EMILIN2: variants seen among roughly 807,000 people sequenced by gnomAD.
EMILIN2 encodes the protein elastin microfibril interfacer 2.
Under a neutral mutation model 87.1 loss-of-function variants are expected in EMILIN2, and 71 were observed. The observed-to-expected ratio is 0.82, with a 90% CI of 0.67 to 0.99. The LOEUF (loss-of-function observed/expected upper bound fraction) is 0.99. EMILIN2 is among the 50% of genes least tolerant of loss of function. The pLI, the probability that EMILIN2 is intolerant of heterozygous loss-of-function variation, is 0.00. For synonymous variants in EMILIN2, 581 were observed against 563.4 expected (o/e 1.03, Z -0.44); for missense variants, 1,407 against 1,371.8 (o/e 1.03, Z -0.40).
chr18:2,908,842 C>T, intron 5 of EMILIN2, 101 bp from the exon 6 acceptor site: 1 of 1,401,232 alleles, frequency 7.1e-7, no homozygotes, highest in Non-Finnish European at 1.0e-6. Flanking sequence ...GTAGTGAAGA[C>T]TCGATTTGAA....
Position 2,890,608 on chromosome 18 carries a change from A to C in EMILIN2, c.481A>C (p.Thr161Pro), listed in dbSNP as rs561217348. 6.2e-7 allele frequency: 1 copy of C among 1,605,902 alleles called. No individual in the cohort carries two copies. The highest frequency in any genetic ancestry group is 2.2e-5 in the East Asian group (1 of 44,626). The change falls in exon 4 of 8, where the codon ACT becomes CCT. Residue 161 changes from threonine to proline, a missense_variant. Coordinates refer to ENST00000254528, the MANE Select transcript of EMILIN2 (RefSeq NM_032048.3). This position sits in a 1 kb window ranked among gnomAD's most constrained non-coding sequence, Gnocchi z 4.7. ...FSEPRKTLSP[T>P]GTAQPSWGVD... ...AGAGCCCAGGAAGACTTTGTCCCCA[A>C]CTGGTACAGCACAACCAAGCTGGGG...
At chr18:2,873,902 G>C (rs568289) in intron 2 of EMILIN2, among the ~76,000 whole-genome samples, 97,633 of 151,814 alleles carry the variant, frequency 0.64, 33,354 homozygotes, top group East Asian at 0.82. Flanking sequence ...CCTAAGTTCT[G>C]CGCTAGCTCT....
At chr18:2,868,238 A>T (rs914909634) in intron 2 of EMILIN2, among the ~76,000 whole-genome samples, 3 of 150,362 alleles carry the variant, frequency 2.0e-5, no homozygotes, top group Admixed American at 1.3e-4. Flanking sequence ...ATCTCAGACG[A>T]TGGGCGGCCA....
intron 4 of EMILIN2, among the ~76,000 whole-genome samples, chr18:2,896,979 A>T (rs1212761461): frequency 6.6e-6 from 1 of 152,214 alleles, no homozygotes; most frequent in Non-Finnish European, 1.5e-5. Flanking sequence ...CCTACAAAAA[A>T]TACAAAAAAA....
chr18:2,846,904 G>A, upstream of EMILIN2: 1 of 989,558 alleles, frequency 1.0e-6, no homozygotes, highest in Non-Finnish European at 1.2e-6. This position sits in a 1 kb window ranked among gnomAD's most constrained non-coding sequence, Gnocchi z 5.3. Flanking sequence ...GGTGGGGGGA[G>A]AGTCACGTTT....
At position 2,880,701 on chromosome 18, in the gene EMILIN2, A is replaced by G. The variant is rs2076772950; in HGVS notation, c.258-4263A>G. 6.6e-6 allele frequency among the ~76,000 whole-genome samples: 1 copy of G among 152,140 alleles called. No homozygotes were observed. Among genetic ancestry groups the G allele is most frequent in the Non-Finnish European group, 1.5e-5 (1 of 68,024 alleles). Reference sequence around the variant, plus strand: ...ACTGCAGTTAGTTGACTGATTCTGTATCGAGTGAGCATCTCCCGTGTGCTC... The same window carrying G: ...ACTGCAGTTAGTTGACTGATTCTGTGTCGAGTGAGCATCTCCCGTGTGCTC... On this transcript the variant is annotated intron_variant, in intron 2 of 7. Coordinates refer to ENST00000254528, the MANE Select transcript of EMILIN2 (RefSeq NM_032048.3). The surrounding 1 kb of genome is among the most constrained non-coding windows in gnomAD (Gnocchi z 4.1).
Position 2,858,583 on chromosome 18 carries a change from G to GTATATATATATA in EMILIN2, c.257+10660_257+10671dup, listed in dbSNP as rs1555665466. ...TATATATATATATGTGTGTGTGTGT[G>GTATATATATATA]TATATATATATATATATATGTGTAT... On this transcript the variant is annotated intron_variant, in intron 2 of 7. Coordinates refer to ENST00000254528, the MANE Select transcript of EMILIN2 (RefSeq NM_032048.3). Among the ~76,000 whole-genome samples, 69 of 63,030 alleles carry GTATATATATATA rather than the reference G, an allele frequency of 1.1e-3. 2 individuals are homozygous for GTATATATATATA. The highest frequency in any genetic ancestry group is 7.1e-3 in the South Asian group (12 of 1,694). 41.4% of individuals were successfully genotyped at this position (63,030 alleles called of 152,430 possible).
intron 6 of EMILIN2, 119 bp from the exon 7 acceptor site, chr18:2,909,572 T>C: frequency 3.8e-6 from 5 of 1,328,872 alleles, no homozygotes; most frequent in East Asian, 2.4e-5. Context: ...TTCACCACTT[T>C]GGGTGAAATA....
At chr18:2,898,303 A>G (rs625238) in intron 4 of EMILIN2, among the ~76,000 whole-genome samples, 146,857 of 152,330 alleles carry the variant, frequency 0.96, 71,004 homozygotes, top group Middle Eastern at 1. Context: ...ACCCAGGACT[A>G]GCCCGGCCTG....
chr18:2,895,698 A>G (rs992094045), intron 4 of EMILIN2, among the ~76,000 whole-genome samples: 5 of 152,220 alleles, frequency 3.3e-5, no homozygotes, highest in Non-Finnish European at 5.9e-5. Flanking sequence ...GGTGTCAAGT[A>G]GTCAGACTAT....
intron 2 of EMILIN2, among the ~76,000 whole-genome samples, chr18:2,856,715 C>A (rs577017762): frequency 6.6e-6 from 1 of 152,320 alleles, no homozygotes; most frequent in African/African-American, 2.4e-5. Context: ...CGCGTGACTT[C>A]TTTACTGCTC....
chr18:2,898,217 A>T (rs2076872525), intron 4 of EMILIN2, among the ~76,000 whole-genome samples: 1 of 152,172 alleles, frequency 6.6e-6, no homozygotes, highest in Admixed American at 6.5e-5. Flanking sequence ...TATCCCCACA[A>T]GTGGGGGTGT....
chr18:2,857,643 T>G (rs1005181928), intron 2 of EMILIN2, among the ~76,000 whole-genome samples: 1 of 151,964 alleles, frequency 6.6e-6, no homozygotes, highest in Non-Finnish European at 1.5e-5. Context: ...AGAACCTCTC[T>G]CCATTAAAGC....
At chr18:2,889,133 C>CTTTTCTT (rs2076819032) in intron 3 of EMILIN2, among the ~76,000 whole-genome samples, 6 of 84,316 alleles carry the variant, frequency 7.1e-5, no homozygotes, top group African/African-American at 9.9e-5. Flanking sequence ...TCTTTCTTTT[C>CTTTTCTT]TTTTTTTTTT....
At chr18:2,860,250 A>T (rs983293435) in intron 2 of EMILIN2, among the ~76,000 whole-genome samples, 5 of 151,726 alleles carry the variant, frequency 3.3e-5, no homozygotes, top group Non-Finnish European at 7.4e-5. Flanking sequence ...CCTTTTTTTT[A>T]ATATACTTTA....
Position 2,847,803 on chromosome 18 carries a change from C to T in EMILIN2, c.135-6C>T, listed in dbSNP as rs147479179. ...TGCCCCTCTCCCTCTCTCTCCTGCA[C>T]CCCAGGAACTGGTGCGCCTACATCG... On this transcript the variant is annotated splice_region_variant and splice_polypyrimidine_tract_variant and intron_variant, in intron 1 of 7. Transcript: ENST00000254528. The surrounding 1 kb of genome is among the most constrained non-coding windows in gnomAD (Gnocchi z 4.5). 5.2e-5 allele frequency: 84 copies of T among 1,612,748 alleles called. No homozygotes were observed. In the African/African-American group the frequency reaches 9.3e-4, roughly 18 times the overall value.
intron 4 of EMILIN2, among the ~76,000 whole-genome samples, chr18:2,905,682 AACCTCC>A (rs1312444724): frequency 6.6e-6 from 1 of 151,718 alleles, no homozygotes; most frequent in Admixed American, 6.6e-5. Flanking sequence ...GGCTCCCTGC[AACCTCC>A]ACCTCCTGGG....
chr18:2,909,094 C>A, intron 6 of EMILIN2, 119 bp downstream of exon 6: 1 of 1,239,768 alleles, frequency 8.1e-7, no homozygotes, highest in Non-Finnish European at 1.2e-6. Flanking sequence ...CTGGGCCCAG[C>A]CCTTCCCCAC....
At chr18:2,908,756 C>T (rs561005441) in intron 5 of EMILIN2, among the ~76,000 whole-genome samples, 187 bp from the exon 6 acceptor site, 5 of 152,264 alleles carry the variant, frequency 3.3e-5, no homozygotes, top group African/African-American at 4.8e-5. Context: ...GAAGCAGGGA[C>T]GGGCTGGTAC....
Sources: gnomAD v4.1 joint callset for allele counts (sites outside exome capture counted in the v4.1 genomes callset) on GRCh38, gnomAD v4.1.1 for gene constraint, Gnocchi (gnomAD v3.1) non-coding constraint, MANE v1.5 for transcripts, NCBI Gene and HGNC (gene_info 2026-07-23, HGNC 2026-07-21) for gene names.